The following NKAIN3 variants were observed in gnomAD, a reference collection of about 807,000 sequenced individuals.
NKAIN3 encodes the protein sodium/potassium-transporting ATPase subunit beta-1-interacting protein 3.
In NKAIN3, 25 loss-of-function variants were observed where a neutral mutation model predicts 30.2. The observed-to-expected ratio is 0.83, with a 90% confidence interval of 0.60 to 1.16. The LOEUF (loss-of-function observed/expected upper bound fraction) is 1.16, where lower values mean the gene tolerates loss of function less well. Among genes scored for constraint, NKAIN3 ranks in the 50% most tolerant of loss-of-function variants. The pLI is 0.00. For synonymous variants in NKAIN3, 91 were observed against 89.6 expected, an observed-to-expected ratio of 1.02 and a Z score of -0.09; for missense variants, 225 against 254.1, an observed-to-expected ratio of 0.89 and a Z score of 0.78.
At chr8:62,585,667 G>A (rs533549933) in intron 2 of NKAIN3, among the ~76,000 whole-genome samples, 2 of 152,214 alleles carry the variant, frequency 1.3e-5, no homozygotes, top group Non-Finnish European at 2.9e-5. Flanking sequence ...CTAATGCCAC[G>A]CTGATCTGAC....
At position 62,546,288 on chromosome 8, in the gene NKAIN3, A is replaced by G. The variant is rs559964107; in HGVS notation, c.55-33251A>G. ...ATCTCATTCATTTCCTAGGCATGAT[A>G]TTAGAGTAGATATAAGAAAAATCAC... On this transcript the variant is annotated intron_variant, in intron 1 of 6. Transcript: ENST00000623646. Among the ~76,000 whole-genome samples, 13 of 152,318 alleles carry G rather than the reference A, an allele frequency of 8.5e-5. No homozygotes were observed. The South Asian group carries it at 2.7e-3, about 32-fold the overall frequency.
At chr8:62,948,913 C>T (rs1823203222) in intron 5 of NKAIN3, among the ~76,000 whole-genome samples, 1 of 152,132 alleles carries the variant, frequency 6.6e-6, no homozygotes, top group African/African-American at 2.4e-5. Flanking sequence ...TATGCATAAA[C>T]GTACAGGAAA....
intron 1 of NKAIN3, among the ~76,000 whole-genome samples, chr8:62,525,232 C>T (rs965928454): frequency 6.6e-6 from 1 of 152,016 alleles, no homozygotes; most frequent in African/African-American, 2.4e-5. Flanking sequence ...AGGATGCATA[C>T]TTAAAAGTGA....
chr8:62,507,918 C>T (rs77723708), intron 1 of NKAIN3, among the ~76,000 whole-genome samples: 1,617 of 152,246 alleles, frequency 0.011, 15 homozygotes, highest in Non-Finnish European at 0.018. Flanking sequence ...CTGGCTCATG[C>T]ACCAGTGCTT....
At chr8:62,335,432 C>CAAAAAAAA (rs5891845) in intron 1 of NKAIN3, among the ~76,000 whole-genome samples, 2 of 82,188 alleles carry the variant, frequency 2.4e-5, no homozygotes, top group African/African-American at 4.6e-5. Context: ...GACTCTGTCT[C>CAAAAAAAA]AAAAAAAAAA....
intron 3 of NKAIN3, among the ~76,000 whole-genome samples, chr8:62,717,855 G>A (rs562460950): frequency 2.0e-4 from 31 of 152,250 alleles, no homozygotes; most frequent in Non-Finnish European, 4.3e-4. Context: ...TTATTTCTTA[G>A]CGTCCTTAAC....
intron 1 of NKAIN3, among the ~76,000 whole-genome samples, chr8:62,526,919 C>A (rs768034164): frequency 1.3e-5 from 2 of 152,140 alleles, no homozygotes; most frequent in Admixed American, 6.6e-5. Context: ...TCACCTTATC[C>A]CTGACTTGCA....
At chr8:62,544,647 G>T (rs1808951647) in intron 1 of NKAIN3, among the ~76,000 whole-genome samples, 3 of 150,994 alleles carry the variant, frequency 2.0e-5, no homozygotes, top group African/African-American at 4.9e-5. Flanking sequence ...GTTCTTCAAA[G>T]TATAGCCTCT....
At chr8:62,451,302 C>G (rs534979922) in intron 1 of NKAIN3, among the ~76,000 whole-genome samples, 1 of 143,478 alleles carries the variant, frequency 7.0e-6, no homozygotes, top group Admixed American at 7.0e-5. Context: ...CCCTCCCGTC[C>G]CCTCCCCTCC....
intron 3 of NKAIN3, among the ~76,000 whole-genome samples, chr8:62,677,309 T>C (rs1192241101): frequency 6.6e-6 from 1 of 152,206 alleles, no homozygotes; most frequent in Non-Finnish European, 1.5e-5. Context: ...CCATCCTCGG[T>C]GAACTCTTCA....
At chr8:62,787,674 C>A (rs1034160674) in intron 4 of NKAIN3, among the ~76,000 whole-genome samples, 1 of 152,146 alleles carries the variant, frequency 6.6e-6, no homozygotes, top group Non-Finnish European at 1.5e-5. Context: ...TGCTATCCCT[C>A]CCCACTTCCC....
chr8:62,317,708 G>A (rs1313442234), intron 1 of NKAIN3, among the ~76,000 whole-genome samples: 3 of 152,168 alleles, frequency 2.0e-5, no homozygotes, highest in Non-Finnish European at 4.4e-5. Context: ...GTCAGGTAGT[G>A]TGAATGCCTC....
At chr8:62,259,553 A>C (rs761944663) in intron 1 of NKAIN3, among the ~76,000 whole-genome samples, 1 of 152,206 alleles carries the variant, frequency 6.6e-6, no homozygotes, top group Non-Finnish European at 1.5e-5. Context: ...ATGGTAGTAC[A>C]AGCAAATGAC....
At chr8:62,810,432 C>A (rs1368440632) in intron 4 of NKAIN3, among the ~76,000 whole-genome samples, 5 of 151,958 alleles carry the variant, frequency 3.3e-5, no homozygotes, top group Non-Finnish European at 7.4e-5. Flanking sequence ...CAGCCTGGAC[C>A]CTTGATCTGA....
At chr8:62,879,917 C>T (rs1395549817) in intron 4 of NKAIN3, among the ~76,000 whole-genome samples, 5 of 152,180 alleles carry the variant, frequency 3.3e-5, no homozygotes, top group Non-Finnish European at 7.3e-5. Flanking sequence ...TACATGCCTC[C>T]ATTCCAAGTC....
chr8:62,483,128 G>A (rs957447172), intron 1 of NKAIN3: 2 of 152,262 alleles, frequency 1.3e-5, no homozygotes, highest in Non-Finnish European at 2.9e-5. Context: ...TTTTGAAGCA[G>A]ATTGCAGCAG....
At chr8:62,576,390 A>T (rs183265382) in intron 1 of NKAIN3, among the ~76,000 whole-genome samples, 4 of 152,014 alleles carry the variant, frequency 2.6e-5, no homozygotes, top group African/African-American at 9.7e-5. Context: ...TACTTTTTTT[A>T]AAACTCAAGT....
At chr8:62,938,203 G>C (rs974153194) in intron 5 of NKAIN3, among the ~76,000 whole-genome samples, 1 of 152,038 alleles carries the variant, frequency 6.6e-6, no homozygotes. Flanking sequence ...TGCTCCTCCA[G>C]GTGACCGTAG....
intron 4 of NKAIN3, among the ~76,000 whole-genome samples, chr8:62,788,234 C>G (rs1049623437): frequency 6.6e-6 from 1 of 152,192 alleles, no homozygotes; most frequent in Admixed American, 6.5e-5. Flanking sequence ...GCCATTCTAA[C>G]TGGTGTGAGA....
Sources: allele counts gnomAD v4.1 joint callset (sites outside exome capture counted in the v4.1 genomes callset), GRCh38; gene constraint gnomAD v4.1.1; transcripts MANE v1.5; gene names NCBI Gene and HGNC (gene_info 2026-07-23, HGNC 2026-07-21).